Variants in SHANK2 observed in about 807,000 individuals in gnomAD.
SHANK2 encodes the protein SH3 and multiple ankyrin repeat domains protein 2.
A neutral mutation model predicts 133.7 loss-of-function variants in SHANK2; 43 were observed. The ratio of observed to expected loss-of-function variants is 0.32; its 90% CI spans 0.25 to 0.41. The LOEUF is 0.41. Ranked by LOEUF, SHANK2 falls within the 10% of genes least tolerant of loss-of-function variation. The probability of loss-of-function intolerance (pLI) is 1.00; values close to 1 mark genes in which losing one functional copy is unlikely to be tolerated. For missense variants in SHANK2, 1,994 were observed against 2,235.8 expected (o/e 0.89, Z 2.18); for synonymous variants, 1,017 against 952.8 (o/e 1.07, Z -1.24).
intron 17 of SHANK2, among the ~76,000 whole-genome samples, chr11:70,542,299 A>G (rs953669037): frequency 1.3e-5 from 2 of 152,096 alleles, no homozygotes; most frequent in African/African-American, 2.4e-5. Context: ...GGGTGCCCTT[A>G]TGAGGGATGA....
rs535083296 is a variant in SHANK2, at chr11:70,771,571, C to G, written c.1777+26872G>C. ...GTATCCATCGGGTCGGACGATGGCT[C>G]CAGGGGATCTGGCAGTTTTTGGCAG... On this transcript the variant is annotated intron_variant, in intron 14 of 25. Transcript: ENST00000601538. 1.3e-4 allele frequency among the ~76,000 whole-genome samples: 20 copies of G among 152,134 alleles called. No homozygotes were observed. The South Asian group carries it at 3.5e-3, about 27-fold the overall frequency.
At chr11:70,596,541 T>C (rs1168079917) in intron 17 of SHANK2, among the ~76,000 whole-genome samples, 3 of 152,222 alleles carry the variant, frequency 2.0e-5, no homozygotes, top group Non-Finnish European at 4.4e-5. Flanking sequence ...CCAAGAGGAC[T>C]GCAGGACTTT....
At chr11:70,504,202 T>G (rs1389305967) in intron 17 of SHANK2, among the ~76,000 whole-genome samples, 1 of 152,204 alleles carries the variant, frequency 6.6e-6, no homozygotes, top group African/African-American at 2.4e-5. Flanking sequence ...TGCTATAGAT[T>G]CTTCAAAAAC....
chr11:71,057,795 G>T, intron 9 of SHANK2, among the ~76,000 whole-genome samples: 1 of 146,716 alleles, frequency 6.8e-6, no homozygotes. Flanking sequence ...GTGATCTGCA[G>T]GCCTCTACCT....
rs145779577 is a variant in SHANK2, at chr11:71,097,269, C to T, written c.593-2581G>A. On this transcript the variant is annotated intron_variant, in intron 6 of 25. Transcript: ENST00000601538. ...AAAGAGCACGTCCGCTGAGGTTCCA[C>T]ATTTGGGGCTGATGGAATCACCCCC... is the stretch of plus-strand genomic sequence containing the variant. Among the ~76,000 whole-genome samples, 804 of 152,266 alleles carry T rather than the reference C, an allele frequency of 5.3e-3. 4 individuals carry two copies. Among genetic ancestry groups the T allele is most frequent in the African/African-American group, 0.019 (772 of 41,552 alleles).
intron 14 of SHANK2, among the ~76,000 whole-genome samples, chr11:70,724,941 T>C (rs1373171336): frequency 1.3e-5 from 2 of 152,124 alleles, no homozygotes; most frequent in Admixed American, 1.3e-4. Flanking sequence ...ATAAGAAAAG[T>C]CCTCAAGGTA....
At chr11:71,137,471 GC>G (rs1200030280) in intron 3 of SHANK2, among the ~76,000 whole-genome samples, 1 of 151,958 alleles carries the variant, frequency 6.6e-6, no homozygotes, top group Non-Finnish European at 1.5e-5. Context: ...ATAAGGCCCA[GC>G]CCCCCCAAAG....
chr11:70,771,209 G>T (rs565108356), intron 14 of SHANK2, among the ~76,000 whole-genome samples: 1 of 152,186 alleles, frequency 6.6e-6, no homozygotes, highest in Non-Finnish European at 1.5e-5. Flanking sequence ...TTACAGGCAT[G>T]ACCCACGGCC....
rs1029318426 is a variant in SHANK2, at chr11:70,515,653, A to G, written c.2062-12722T>C. 2.0e-5 allele frequency among the ~76,000 whole-genome samples: 3 copies of G among 150,708 alleles called. No homozygotes were observed. In the East Asian group the frequency reaches 5.8e-4, roughly 29 times the overall value. On this transcript the variant is annotated intron_variant, in intron 17 of 25. Coordinates refer to ENST00000601538, the MANE Select transcript of SHANK2 (RefSeq NM_012309.5). The stretch of plus-strand genomic sequence containing the variant: ...TCGTTCCTTGAAAAAAAAAAAAAAA[A>G]AAAAAAACATTTAAAAGTTAGCCAA...
intron 17 of SHANK2, chr11:70,654,356 C>G (rs1482511375): frequency 6.6e-6 from 1 of 152,226 alleles, no homozygotes; most frequent in African/African-American, 2.4e-5. Flanking sequence ...TAACTTTCTT[C>G]TAAGACACAG....
chr11:70,516,893 T>C lies in SHANK2; in HGVS notation c.2062-13962A>G, dbSNP rs145906156. ...TTCAAGACCAGCCTGGCCAACATGG[T>C]GAAACCCCGTCTCTTATAAAAGTAC... On this transcript the variant is annotated intron_variant, in intron 17 of 25. Transcript: ENST00000601538. 2.4e-3 allele frequency among the ~76,000 whole-genome samples: 363 copies of C among 152,046 alleles called. 4 individuals carry two copies. Among genetic ancestry groups the C allele is most frequent in the African/African-American group, 8.4e-3 (348 of 41,474 alleles).
chr11:70,638,466 C>T (rs11826886), intron 17 of SHANK2, among the ~76,000 whole-genome samples: 3,233 of 152,268 alleles, frequency 0.021, 108 homozygotes, highest in African/African-American at 0.074. Flanking sequence ...TTCCCTGGGC[C>T]AGCCTGACCC....
chr11:70,602,981 G>A (rs981476378), intron 17 of SHANK2, among the ~76,000 whole-genome samples: 16 of 152,358 alleles, frequency 1.1e-4, no homozygotes, highest in South Asian at 8.3e-4. Context: ...CATACTGCTG[G>A]CCCGTGGCAG....
At chr11:71,128,012 T>C (rs1260341554) in intron 3 of SHANK2, among the ~76,000 whole-genome samples, 27 of 152,186 alleles carry the variant, frequency 1.8e-4, no homozygotes, top group Non-Finnish European at 3.1e-4. Context: ...GGCCGAGGTC[T>C]CACGATGTCA....
At chr11:70,601,378 C>T (rs1554991058) in intron 17 of SHANK2, among the ~76,000 whole-genome samples, 2 of 152,172 alleles carry the variant, frequency 1.3e-5, no homozygotes, top group Non-Finnish European at 2.9e-5. Flanking sequence ...TGCCACCACA[C>T]CCAGCTAATT....
chr11:70,761,214 G>A (rs1946989433), intron 14 of SHANK2, among the ~76,000 whole-genome samples: 1 of 152,144 alleles, frequency 6.6e-6, no homozygotes, highest in Non-Finnish European at 1.5e-5. Context: ...GGTGACTGGG[G>A]TGAGATAAGG....
chr11:71,137,750 T>C (rs1490528461), intron 3 of SHANK2, among the ~76,000 whole-genome samples: 1 of 152,194 alleles, frequency 6.6e-6, no homozygotes, highest in Non-Finnish European at 1.5e-5. Flanking sequence ...CAAACCTTCT[T>C]GAAGTGGAAT....
intron 14 of SHANK2, among the ~76,000 whole-genome samples, chr11:70,756,702 C>A (rs751866445): frequency 1.3e-5 from 2 of 152,212 alleles, no homozygotes; most frequent in Non-Finnish European, 2.9e-5. Flanking sequence ...CGGCTGCACA[C>A]TCTGGGGCAC....
intron 2 of SHANK2, among the ~76,000 whole-genome samples, chr11:71,167,822 G>A (rs551912313): frequency 1.4e-5 from 2 of 143,068 alleles, no homozygotes; most frequent in East Asian, 4.4e-4. Context: ...CCTCCCGGAC[G>A]GGGCGGCCGG....
Sources: gnomAD v4.1 joint callset for allele counts (sites outside exome capture counted in the v4.1 genomes callset) on GRCh38, gnomAD v4.1.1 for gene constraint, MANE v1.5 for transcripts, NCBI Gene and HGNC (gene_info 2026-07-23, HGNC 2026-07-21) for gene names.